The following SPPL3 variants were observed in gnomAD, a reference collection of about 807,000 sequenced individuals.
SPPL3 encodes the protein signal peptide peptidase like 3.
SPPL3 carries 5 observed loss-of-function variants against 42.4 expected under a neutral mutation model. That is an observed-to-expected ratio of 0.12 (90% CI 0.06 to 0.25). SPPL3 has a LOEUF of 0.25. SPPL3 is among the 10% of genes least tolerant of loss of function. SPPL3 has a pLI of 1.00. For synonymous variants in SPPL3, 195 were observed against 181.8 expected (o/e 1.07, Z -0.58); for missense variants, 235 against 489.0 (o/e 0.48, Z 4.90).
intron 2 of SPPL3, among the ~76,000 whole-genome samples, chr12:120,794,215 A>G (rs1870021717): frequency 6.6e-6 from 1 of 152,108 alleles, no homozygotes; most frequent in Admixed American, 6.5e-5. Context: ...CAGCCATTCC[A>G]GCTTTCTGTA....
intron 8 of SPPL3, among the ~76,000 whole-genome samples, chr12:120,767,802 G>A (rs1483741749): frequency 6.6e-6 from 1 of 152,046 alleles, no homozygotes; most frequent in African/African-American, 2.4e-5. Flanking sequence ...TGGCCCCCCT[G>A]TTTCAGGAGA....
intron 1 of SPPL3, among the ~76,000 whole-genome samples, chr12:120,878,755 G>A (rs1490194232): frequency 6.6e-6 from 1 of 152,052 alleles, no homozygotes; most frequent in African/African-American, 2.4e-5. Context: ...CTTCTGTTGT[G>A]TTATCTTACC....
rs1868907872 is a variant in SPPL3 at position 120,766,363 on chromosome 12, G to C, written c.983C>G (p.Thr328Ser). 1 of 1,587,534 alleles carries C rather than the reference G, an allele frequency of 6.3e-7. No homozygotes were observed. The highest frequency in any genetic ancestry group is 1.3e-5 in the African/African-American group (1 of 74,700). The change falls in exon 10 of 11, where the codon ACT becomes AGT. Residue 328 changes from threonine to serine, a missense_variant. Transcript: ENST00000353487. Reference protein sequence around the residue: ...TLIGYFVGLLTATVASRIHRA... With the variant: ...TLIGYFVGLLSATVASRIHRA... ...GTGAATGCGAGACGCCACAGTAGCA[G>C]TGAGCAGGCCTGTGAGGAGAGAGAG...
chr12:120,867,776 C>T (rs951975200), intron 1 of SPPL3, among the ~76,000 whole-genome samples: 6 of 151,822 alleles, frequency 4.0e-5, no homozygotes, highest in East Asian at 3.9e-4. Flanking sequence ...GACAGAGTCT[C>T]GCTCTGTTGT....
At chr12:120,878,451 G>C (rs1017718725) in intron 1 of SPPL3, among the ~76,000 whole-genome samples, 4 of 152,156 alleles carry the variant, frequency 2.6e-5, no homozygotes, top group Non-Finnish European at 4.4e-5. Flanking sequence ...CCTAATCAAG[G>C]GATTGGGTCT....
chr12:120,822,201 C>T (rs773257164), intron 1 of SPPL3, among the ~76,000 whole-genome samples: 1 of 152,008 alleles, frequency 6.6e-6, no homozygotes, highest in Non-Finnish European at 1.5e-5. Flanking sequence ...CATAAGTGAA[C>T]GTACTTAATG....
chr12:120,793,607 C>T (rs1869996521), intron 2 of SPPL3, among the ~76,000 whole-genome samples: 1 of 152,226 alleles, frequency 6.6e-6, no homozygotes, highest in Non-Finnish European at 1.5e-5. Context: ...TCATACACTA[C>T]TAGTGGGAAT....
intron 1 of SPPL3, among the ~76,000 whole-genome samples, chr12:120,896,368 G>T (rs972365084): frequency 1.3e-5 from 2 of 152,138 alleles, no homozygotes; most frequent in African/African-American, 4.8e-5. Context: ...ATTTTTCCCT[G>T]TAAAACTGAA....
intron 1 of SPPL3, among the ~76,000 whole-genome samples, chr12:120,852,770 T>C (rs1206685073): frequency 0.055 from 4,982 of 89,970 alleles, 705 homozygotes; most frequent in East Asian, 0.1. Flanking sequence ...CTATGTATAT[T>C]ATATATAAAA....
intron 2 of SPPL3, among the ~76,000 whole-genome samples, chr12:120,800,507 CA>C (rs775189304): frequency 6.6e-6 from 1 of 151,398 alleles, no homozygotes; most frequent in African/African-American, 2.4e-5. Flanking sequence ...AGTCTCAAAA[CA>C]AAAAAACAAA....
At position 120,789,824 on chromosome 12, in the gene SPPL3, CAAAAAAAAAAAAAAAA is replaced by C. The variant is rs3050392; in HGVS notation, c.190+1629_190+1644del. Among the ~76,000 whole-genome samples, 13 of 30,466 alleles carry C rather than the reference CAAAAAAAAAAAAAAAA, an allele frequency of 4.3e-4. No individual in the cohort carries two copies. In the East Asian group the frequency reaches 0.024, roughly 57 times the overall value. 20.0% of individuals were successfully genotyped at this position (30,466 alleles called of 152,430 possible). ...TGAATGACAGAGCAAGACTCCGTCT[CAAAAAAAAAAAAAAAA>C]AAAAAAAAAAAGAGCTGTATTACCA... On this transcript the variant is annotated intron_variant, in intron 3 of 10. Coordinates refer to ENST00000353487, the MANE Select transcript of SPPL3 (RefSeq NM_139015.5).
intron 1 of SPPL3, among the ~76,000 whole-genome samples, chr12:120,846,661 A>T (rs947382544): frequency 3.9e-5 from 6 of 152,168 alleles, no homozygotes; most frequent in Admixed American, 3.3e-4. Flanking sequence ...ATTAGATAAA[A>T]TTTTTTAAGA....
At chr12:120,769,139 C>T (rs1011327822) in intron 6 of SPPL3, 80 bp from the exon 7 acceptor site, 34 of 1,146,296 alleles carry the variant, frequency 3.0e-5, no homozygotes, top group Non-Finnish European at 4.1e-5. Context: ...TATGGCCCTT[C>T]ACAGAGTTTG....
intron 1 of SPPL3, among the ~76,000 whole-genome samples, chr12:120,892,957 G>C (rs1258166753): frequency 6.9e-6 from 1 of 145,736 alleles, no homozygotes; most frequent in Non-Finnish European, 1.5e-5. Context: ...ACTCCAGCCT[G>C]GGTGACAGAG....
intron 2 of SPPL3, among the ~76,000 whole-genome samples, chr12:120,793,486 A>C (rs1243135076): frequency 2.0e-5 from 3 of 152,226 alleles, no homozygotes; most frequent in Non-Finnish European, 4.4e-5. Context: ...CTGTCTCCTC[A>C]AAACAAAACC....
At chr12:120,842,798 C>A (rs1592990597) in intron 1 of SPPL3, among the ~76,000 whole-genome samples, 1 of 152,022 alleles carries the variant, frequency 6.6e-6, no homozygotes, top group East Asian at 1.9e-4. Flanking sequence ...TAGGTTTCAA[C>A]ATAGGAATTG....
At position 120,846,749 on chromosome 12, in the gene SPPL3, A is replaced by G. The variant is rs1159770549; in HGVS notation, c.24-35863T>C. On this transcript the variant is annotated intron_variant, in intron 1 of 10. Coordinates refer to ENST00000353487, the MANE Select transcript of SPPL3 (RefSeq NM_139015.5). ...GTGGAAAGCTGGCAAAATGGAATAG[A>G]AGTAGTCATGTTTTGAGCATTTAGT... is the stretch of plus-strand genomic sequence containing the variant. 3.9e-5 allele frequency among the ~76,000 whole-genome samples: 6 copies of G among 152,244 alleles called. No homozygotes were observed. In the East Asian group the frequency reaches 1.2e-3, roughly 29 times the overall value.
chr12:120,903,963 T>A lies in SPPL3; in HGVS notation c.-96A>T, dbSNP rs1489745342. 48 of 1,016,126 alleles carry A rather than the reference T, an allele frequency of 4.7e-5. No homozygotes were observed. The highest frequency in any genetic ancestry group is 5.8e-5 in the Non-Finnish European group (46 of 788,506). The allele number at this position is 1,016,126 out of a possible 1,614,324, so 62.9% of individuals were successfully genotyped here. On this transcript the variant is annotated 5_prime_UTR_variant, in exon 1 of 11. Transcript: ENST00000353487. Reference sequence around the variant, plus strand: ...AGCTGAAGGCGCGGCCGGGGTCCGGTGCTTGCTTGCTTGCTCGCTCGCTGG... The same window carrying A: ...AGCTGAAGGCGCGGCCGGGGTCCGGAGCTTGCTTGCTTGCTCGCTCGCTGG...
At chr12:120,834,021 C>T (rs1472285717) in intron 1 of SPPL3, among the ~76,000 whole-genome samples, 2 of 152,096 alleles carry the variant, frequency 1.3e-5, no homozygotes, top group Non-Finnish European at 2.9e-5. Flanking sequence ...TACTTTAATC[C>T]TTATGAAGCA....
Sources: gnomAD v4.1 joint callset for allele counts (sites outside exome capture counted in the v4.1 genomes callset) on GRCh38, gnomAD v4.1.1 for gene constraint, MANE v1.5 for transcripts, NCBI Gene and HGNC (gene_info 2026-07-23, HGNC 2026-07-21) for gene names.